THTPA: variants seen among roughly 807,000 people sequenced by gnomAD.
THTPA encodes thiamine triphosphatase.
In THTPA, 16 loss-of-function variants were observed where a neutral mutation model predicts 16.5. The observed-to-expected ratio is 0.97, with a 90% confidence interval of 0.66 to 1.47. The LOEUF is 1.47. Ranked by LOEUF, THTPA falls within the 40% of genes most tolerant of loss-of-function variation. The pLI is 0.00. For missense variants in THTPA, 281 were observed against 280.9 expected (o/e 1.00, Z 0.00); for synonymous variants, 110 against 115.5 (o/e 0.95, Z 0.30).
At chr14:23,555,581 C>G (rs1053146641), upstream of THTPA, 1 of 152,200 alleles carries the variant, frequency 6.6e-6, no homozygotes, top group Non-Finnish European at 1.5e-5. Flanking sequence ...GTTTCTCACC[C>G]ACTCTTACCC....
chr14:23,521,865 G>C, the THTPA span: 334 of 1,495,464 alleles, frequency 2.2e-4, no homozygotes, highest in Non-Finnish European at 2.8e-4. Flanking sequence ...GGCGGGGCCA[G>C]GGGGTGGGGT....
At chr14:23,520,738 A>G in the THTPA span, 1 of 141,986 alleles carries the variant, frequency 7.0e-6, no homozygotes, top group African/African-American at 2.6e-5. This position sits in a 1 kb window ranked among gnomAD's most constrained non-coding sequence, Gnocchi z 8.7. Context: ...ACCCATAGCA[A>G]GGAGCTAAAG....
At chr14:23,539,740 C>T in the THTPA span, among the ~76,000 whole-genome samples, 12 of 152,140 alleles carry the variant, frequency 7.9e-5, no homozygotes, top group Non-Finnish European at 1.6e-4. Context: ...GTACAGCCCC[C>T]TCCCACCTCT....
At chr14:23,523,023 C>T in the THTPA span, 4 of 1,416,558 alleles carry the variant, frequency 2.8e-6, no homozygotes, top group Non-Finnish European at 2.8e-6. This position sits in a 1 kb window ranked among gnomAD's most constrained non-coding sequence, Gnocchi z 4.1. Context: ...TCCAGCCACA[C>T]ACACCCGTTC....
the THTPA span, chr14:23,522,203 C>A: frequency 6.7e-7 from 1 of 1,482,370 alleles, no homozygotes; most frequent in Non-Finnish European, 8.9e-7. Context: ...GTGGTAGGTG[C>A]AGATGGGCAC....
upstream of THTPA, among the ~76,000 whole-genome samples, chr14:23,552,199 T>C (rs1201195404): frequency 6.6e-6 from 1 of 152,008 alleles, no homozygotes; most frequent in East Asian, 1.9e-4. Context: ...TTCTGCCTCC[T>C]CCACACGGTT....
chr14:23,538,271 A>G, the THTPA span, among the ~76,000 whole-genome samples: 2 of 152,120 alleles, frequency 1.3e-5, no homozygotes, highest in African/African-American at 2.4e-5. Flanking sequence ...CCTCTTTAGG[A>G]AAGAATTTCA....
chr14:23,522,806 C>A, the THTPA span: 1 of 1,536,048 alleles, frequency 6.5e-7, no homozygotes, highest in Middle Eastern at 1.7e-4. Context: ...GTCAGTGGTG[C>A]CTGCTGTGGA....
chr14:23,544,809 C>A, the THTPA span, among the ~76,000 whole-genome samples: 3 of 152,176 alleles, frequency 2.0e-5, no homozygotes, highest in African/African-American at 7.2e-5. Flanking sequence ...GCTTTTGCAG[C>A]CCTGGCCACG....
chr14:23,519,297 C>T, the THTPA span, among the ~76,000 whole-genome samples: 8 of 152,296 alleles, frequency 5.3e-5, no homozygotes, highest in Non-Finnish European at 8.8e-5. Context: ...TTCTTTAAAA[C>T]GTTTCCTTTG....
chr14:23,550,382 C>T, the THTPA span, among the ~76,000 whole-genome samples: 1 of 152,192 alleles, frequency 6.6e-6, no homozygotes, highest in Non-Finnish European at 1.5e-5. Context: ...GATATCCAGA[C>T]AGACTCTGAA....
At chr14:23,520,964 G>C in the THTPA span, 1 of 150,258 alleles carries the variant, frequency 6.7e-6, no homozygotes, top group Admixed American at 6.6e-5. This position sits in a 1 kb window ranked among gnomAD's most constrained non-coding sequence, Gnocchi z 8.7. Context: ...GCGTGTGCAC[G>C]TACTCTCTCT....
upstream of THTPA, among the ~76,000 whole-genome samples, chr14:23,554,038 CAAAAAAAAA>C (rs61363455): frequency 2.8e-5 from 1 of 36,040 alleles, no homozygotes; most frequent in Non-Finnish European, 6.0e-5. Context: ...GACTCTGTCT[CAAAAAAAAA>C]AAAAAAAAAA....
the THTPA span, among the ~76,000 whole-genome samples, chr14:23,546,956 CT>C: frequency 6.6e-6 from 1 of 152,194 alleles, no homozygotes; most frequent in African/African-American, 2.4e-5. The surrounding 1 kb of genome is among the most constrained non-coding windows in gnomAD (Gnocchi z 4.7). Context: ...GCTCTCTCCC[CT>C]GTCTTCTTTT....
upstream of THTPA, among the ~76,000 whole-genome samples, chr14:23,554,038 CAAAAAAAAAAAAA>C (rs61363455): frequency 8.3e-5 from 3 of 36,062 alleles, no homozygotes; most frequent in South Asian, 1.4e-3. Context: ...GACTCTGTCT[CAAAAAAAAAAAAA>C]AAAAAAAAAA....
chr14:23,524,177 C>G, the THTPA span: 6 of 1,536,118 alleles, frequency 3.9e-6, no homozygotes, highest in Non-Finnish European at 5.2e-6. The surrounding 1 kb of genome is among the most constrained non-coding windows in gnomAD (Gnocchi z 5.6). Flanking sequence ...AGGCACCCCC[C>G]CAGGGGTGCT....
upstream of THTPA, among the ~76,000 whole-genome samples, chr14:23,553,420 T>G (rs1278964449): frequency 6.7e-6 from 1 of 150,210 alleles, no homozygotes; most frequent in Non-Finnish European, 1.5e-5. Flanking sequence ...ACCAACATGG[T>G]GAAACCCTGT....
rs749793220 is a variant in THTPA at position 23,557,166 on chromosome 14, G to A, written c.409G>A (p.Glu137Lys). Residue 137 changes from glutamate to lysine, a missense_variant, in exon 1 of 2, where the codon GAA becomes AAA. Coordinates refer to ENST00000288014, the MANE Select transcript of THTPA (RefSeq NM_024328.6). The stretch of plus-strand genomic sequence containing the variant: ...GAAGCTGGTGCTCTTGGGAGCTGAT[G>A]AAGAGGAGCCACAGCTCAGGGTGGA... ...AWKLVLLGAD[E>K]EEPQLRVDLD... The A allele has an allele frequency of 5.5e-5, 88 of 1,614,052 alleles. No homozygotes were observed. The highest frequency in any genetic ancestry group is 5.3e-5 in the Non-Finnish European group (62 of 1,180,040).
chr14:23,523,044 A>T, the THTPA span: 1 of 1,407,452 alleles, frequency 7.1e-7, no homozygotes, highest in Non-Finnish European at 9.2e-7. This position sits in a 1 kb window ranked among gnomAD's most constrained non-coding sequence, Gnocchi z 4.1. Flanking sequence ...CCAGCACCGG[A>T]TTTCCATGCC....
Sources: allele counts gnomAD v4.1 joint callset (sites outside exome capture counted in the v4.1 genomes callset), GRCh38; gene constraint gnomAD v4.1.1; non-coding constraint Gnocchi (gnomAD v3.1); transcripts MANE v1.5; gene names NCBI Gene and HGNC (gene_info 2026-07-23, HGNC 2026-07-21).